Variants in BCL2L1 observed in about 807,000 individuals in gnomAD.
BCL2L1 encodes the protein BCL2 like 1, also known as bcl-2-like protein 1.
BCL2L1 carries 1 observed loss-of-function variant against 18.7 expected under a neutral mutation model. The ratio of observed to expected loss-of-function variants is 0.05; its 90% confidence interval spans 0.02 to 0.25. The LOEUF (loss-of-function observed/expected upper bound fraction) is 0.25, where lower values mean the gene tolerates loss of function less well. Ranked by LOEUF, BCL2L1 falls within the 10% of genes least tolerant of loss-of-function variation. BCL2L1 has a pLI of 1.00. For missense variants in BCL2L1, 207 were observed against 304.9 expected, an observed-to-expected ratio of 0.68 and a Z score of 2.39; for synonymous variants, 103 against 122.7, an observed-to-expected ratio of 0.84 and a Z score of 1.06.
At chr20:31,682,657 G>A (rs1368394534) in intron 2 of BCL2L1, among the ~76,000 whole-genome samples, 1 of 151,880 alleles carries the variant, frequency 6.6e-6, no homozygotes, top group African/African-American at 2.4e-5. Context: ...GTCTCACTAT[G>A]TTGCCCAGTC....
chr20:31,669,456 G>A (rs1179731153), intron 2 of BCL2L1, among the ~76,000 whole-genome samples: 5 of 134,088 alleles, frequency 3.7e-5, no homozygotes, highest in Non-Finnish European at 7.7e-5. Context: ...TACTAGATGT[G>A]TCTTTTTTTT....
rs1555871510 is a variant in BCL2L1 at position 31,697,892 on chromosome 20, G to GTTTTTTTTTTTGTTGTTTGTTTGTTT, written c.564+23762_564+23763insAAACAAACAAACAACAAAAAAAAAAA. Among the ~76,000 whole-genome samples the GTTTTTTTTTTTGTTGTTTGTTTGTTT allele has an allele frequency of 1.5e-5, 2 of 129,640 alleles. 1 individual carries two copies. Among genetic ancestry groups the GTTTTTTTTTTTGTTGTTTGTTTGTTT allele is most frequent in the African/African-American group, 6.6e-5 (2 of 30,472 alleles). The allele number at this position is 129,640 out of a possible 152,430, so 85.0% of individuals were successfully genotyped here. A position where few individuals can be genotyped will look rare whatever the true frequency, so the allele number is the denominator to read the frequency against. ...AGAATCCTCAGCATGTGCTGTTGCT[G>GTTTTTTTTTTTGTTGTTTGTTTGTTT]TTTTTTTTTTTTTGAGACGGAGTCT... On this transcript the variant is annotated intron_variant, in intron 2 of 2. Coordinates refer to ENST00000307677, the MANE Select transcript of BCL2L1 (RefSeq NM_138578.3).
chr20:31,713,150 A>T, intron 2 of BCL2L1: 1 of 647,046 alleles, frequency 1.5e-6, no homozygotes, highest in South Asian at 6.9e-5. Flanking sequence ...GGGGAAGTCC[A>T]GGACTGAAAC....
At chr20:31,709,677 CA>C (rs1410116032) in intron 2 of BCL2L1, among the ~76,000 whole-genome samples, 1 of 150,492 alleles carries the variant, frequency 6.6e-6, no homozygotes, top group Admixed American at 6.6e-5. Flanking sequence ...ACTAAAAATA[CA>C]AAAAAAATTA....
chr20:31,673,198 A>G (rs907773369), intron 2 of BCL2L1, among the ~76,000 whole-genome samples: 3 of 150,856 alleles, frequency 2.0e-5, no homozygotes, highest in South Asian at 2.1e-4. Flanking sequence ...TAGTCTCCCA[A>G]GTTGCCTGGG....
At chr20:31,686,987 T>C (rs1358651355) in intron 2 of BCL2L1, among the ~76,000 whole-genome samples, 1 of 152,118 alleles carries the variant, frequency 6.6e-6, no homozygotes, top group Non-Finnish European at 1.5e-5. Context: ...ATGAGGACAA[T>C]AACATGTTTC....
chr20:31,714,499 A>G (rs1034487957), intron 2 of BCL2L1, among the ~76,000 whole-genome samples: 10 of 152,182 alleles, frequency 6.6e-5, no homozygotes, highest in African/African-American at 1.4e-4. Context: ...CGTTCTGTGG[A>G]AAGATAATAA....
intron 2 of BCL2L1, among the ~76,000 whole-genome samples, chr20:31,671,426 C>A (rs1381505783): frequency 2.0e-5 from 3 of 152,074 alleles, no homozygotes; most frequent in African/African-American, 4.8e-5. Flanking sequence ...GGCCCTGGTG[C>A]CTTTGCCAAC....
chr20:31,668,257 C>T (rs4911518), intron 2 of BCL2L1, among the ~76,000 whole-genome samples: 1 of 151,954 alleles, frequency 6.6e-6, no homozygotes, highest in Non-Finnish European at 1.5e-5. Flanking sequence ...ACTGCCTTGT[C>T]TAAAACAGTA....
At chr20:31,669,111 A>G (rs540618954) in intron 2 of BCL2L1, among the ~76,000 whole-genome samples, 2 of 152,210 alleles carry the variant, frequency 1.3e-5, no homozygotes, top group East Asian at 3.9e-4. Context: ...GTTAGACTGT[A>G]GTGGCGCAAT....
chr20:31,720,430 G>T, intron 2 of BCL2L1: 1 of 663,108 alleles, frequency 1.5e-6, no homozygotes, highest in African/African-American at 2.0e-5. Context: ...TGAGGGGATA[G>T]AACATCTCTC....
intron 2 of BCL2L1, among the ~76,000 whole-genome samples, chr20:31,703,786 C>T (rs1171204585): frequency 3.3e-5 from 5 of 151,054 alleles, no homozygotes; most frequent in Non-Finnish European, 5.9e-5. Context: ...GCCACTGAGC[C>T]CAGCCCTGAA....
intron 2 of BCL2L1, among the ~76,000 whole-genome samples, chr20:31,711,913 G>C (rs2061458387): frequency 6.6e-6 from 1 of 152,190 alleles, no homozygotes; most frequent in Non-Finnish European, 1.5e-5. Context: ...GTGAATCCCA[G>C]CTCTTCTTGG....
At chr20:31,720,657 T>G (rs1241946191) in intron 2 of BCL2L1, 1 of 982,034 alleles carries the variant, frequency 1.0e-6, no homozygotes, top group African/African-American at 1.7e-5. Flanking sequence ...TACAATACAC[T>G]GTAAGGCAAG....
At chr20:31,712,648 G>C (rs140159299) in intron 2 of BCL2L1, among the ~76,000 whole-genome samples, 1 of 152,154 alleles carries the variant, frequency 6.6e-6, no homozygotes, top group African/African-American at 2.4e-5. Flanking sequence ...GAGGCTGGGG[G>C]CTCCTGAGCA....
intron 2 of BCL2L1, among the ~76,000 whole-genome samples, chr20:31,666,780 C>T (rs1010106125): frequency 5.9e-5 from 9 of 152,050 alleles, no homozygotes; most frequent in Non-Finnish European, 1.2e-4. Flanking sequence ...TCTGTGAGGC[C>T]TTGTCCCGGA....
chr20:31,692,595 G>A (rs866777578), intron 2 of BCL2L1, among the ~76,000 whole-genome samples: 1 of 151,964 alleles, frequency 6.6e-6, no homozygotes, highest in Non-Finnish European at 1.5e-5. Flanking sequence ...CCAATGTGGT[G>A]AAACCCCATC....
At chr20:31,687,379 C>T (rs533976595) in intron 2 of BCL2L1, among the ~76,000 whole-genome samples, 29 of 151,494 alleles carry the variant, frequency 1.9e-4, no homozygotes, top group African/African-American at 6.8e-4. Context: ...CGGTCGGGCG[C>T]GGTGGCTCAC....
intron 2 of BCL2L1, among the ~76,000 whole-genome samples, chr20:31,672,691 A>G (rs1305029753): frequency 6.6e-6 from 1 of 152,192 alleles, no homozygotes; most frequent in Non-Finnish European, 1.5e-5. Context: ...TGAACGATGC[A>G]GGTCACCTTG....
Sources: allele counts gnomAD v4.1 joint callset (sites outside exome capture counted in the v4.1 genomes callset), GRCh38; gene constraint gnomAD v4.1.1; transcripts MANE v1.5; gene names NCBI Gene and HGNC (gene_info 2026-07-23, HGNC 2026-07-21).